ERC1: variants seen among roughly 807,000 people sequenced by gnomAD.
The protein encoded by ERC1 is ELKS/RAB6-interacting/CAST family member 1, also known as RAB6 interacting protein 2.
A neutral mutation model predicts 132.0 loss-of-function variants in ERC1; 56 were observed. The ratio of observed to expected loss-of-function variants is 0.42; its 90% CI spans 0.34 to 0.53. The LOEUF (loss-of-function observed/expected upper bound fraction) is 0.53. Among genes scored for constraint, ERC1 ranks in the 20% least tolerant of loss-of-function variants. ERC1 has a pLI of 0.03. For synonymous variants in ERC1, 478 were observed against 476.1 expected, an observed-to-expected ratio of 1.00 and a Z score of -0.05; for missense variants, 1,202 against 1,349.9, an observed-to-expected ratio of 0.89 and a Z score of 1.72.
At chr12:1,213,895 T>G (rs1158433722) in intron 12 of ERC1, among the ~76,000 whole-genome samples, 1 of 151,692 alleles carries the variant, frequency 6.6e-6, no homozygotes, top group Non-Finnish European at 1.5e-5. Context: ...AGAATGAGAC[T>G]CTGTCTCCAA....
At chr12:1,305,412 C>T (rs1488816389) in intron 15 of ERC1, among the ~76,000 whole-genome samples, 1 of 152,120 alleles carries the variant, frequency 6.6e-6, no homozygotes, top group Non-Finnish European at 1.5e-5. Flanking sequence ...CTTTCTTTAA[C>T]TTTATGCAGA....
chr12:1,302,637 G>A (rs56362023), intron 15 of ERC1, among the ~76,000 whole-genome samples: 3 of 152,010 alleles, frequency 2.0e-5, no homozygotes, highest in Non-Finnish European at 4.4e-5. Context: ...GTAATAAGGC[G>A]AGTCACGCAA....
chr12:1,083,750 A>G (rs1175088402), intron 3 of ERC1, among the ~76,000 whole-genome samples, 170 bp downstream of exon 3: 2 of 151,998 alleles, frequency 1.3e-5, no homozygotes, highest in Non-Finnish European at 2.9e-5. Context: ...GCCCTGTTGT[A>G]TGGGATGACA....
chr12:1,413,823 G>T (rs1417850653), intron 17 of ERC1, among the ~76,000 whole-genome samples: 3 of 152,186 alleles, frequency 2.0e-5, no homozygotes, highest in East Asian at 1.9e-4. Context: ...GACTATCTCA[G>T]TCAGCTCAGG....
At chr12:1,479,156 G>A (rs942892795) in intron 18 of ERC1, among the ~76,000 whole-genome samples, 4 of 152,010 alleles carry the variant, frequency 2.6e-5, no homozygotes, top group African/African-American at 7.3e-5. Flanking sequence ...GTCTGCTCTC[G>A]TGCCAGTGCT....
intron 4 of ERC1, among the ~76,000 whole-genome samples, chr12:1,105,546 A>G (rs1462347554): frequency 5.9e-5 from 9 of 151,826 alleles, no homozygotes; most frequent in African/African-American, 1.9e-4. Flanking sequence ...TTTAGTAGAG[A>G]TGGGGTTTCA....
chr12:1,042,138 C>T (rs185874699), intron 2 of ERC1, among the ~76,000 whole-genome samples: 8 of 152,066 alleles, frequency 5.3e-5, no homozygotes, highest in Non-Finnish European at 1.0e-4. Context: ...CCCAGGTTCA[C>T]GCCATTCTCC....
intron 8 of ERC1, among the ~76,000 whole-genome samples, chr12:1,165,664 C>T (rs779833201): frequency 7.2e-5 from 11 of 152,116 alleles, no homozygotes; most frequent in Non-Finnish European, 1.5e-4. Context: ...AAGAAATAAA[C>T]ATGGCTAAAC....
At chr12:1,434,425 TGTA>T (rs1448145284) in intron 17 of ERC1, among the ~76,000 whole-genome samples, 2 of 152,360 alleles carry the variant, frequency 1.3e-5, no homozygotes, top group East Asian at 1.9e-4. Context: ...TATTGACTCG[TGTA>T]GTTACCTGTG....
chr12:1,300,138 A>G (rs1443417839), intron 15 of ERC1, among the ~76,000 whole-genome samples: 2 of 152,164 alleles, frequency 1.3e-5, no homozygotes, highest in Non-Finnish European at 2.9e-5. Context: ...AAGGAACAGA[A>G]TAGAGAACCC....
intron 9 of ERC1, among the ~76,000 whole-genome samples, chr12:1,181,698 G>A (rs1042713457): frequency 2.0e-5 from 3 of 151,456 alleles, no homozygotes; most frequent in South Asian, 2.1e-4. Flanking sequence ...CAGGAGAATC[G>A]CTTGAACCCG....
intron 16 of ERC1, among the ~76,000 whole-genome samples, chr12:1,394,865 C>T (rs147397981): frequency 8.7e-4 from 132 of 152,318 alleles, no homozygotes; most frequent in African/African-American, 3.0e-3. Flanking sequence ...CAGACTAATA[C>T]ACTCAGCCAC....
intron 18 of ERC1, among the ~76,000 whole-genome samples, chr12:1,473,775 A>AGT (rs1296839309): frequency 6.6e-6 from 1 of 152,156 alleles, no homozygotes; most frequent in Non-Finnish European, 1.5e-5. Flanking sequence ...AACTTTAATG[A>AGT]GTGGGAAATA....
At chr12:1,488,470 A>T (rs1052466906) in intron 18 of ERC1, among the ~76,000 whole-genome samples, 4 of 152,162 alleles carry the variant, frequency 2.6e-5, no homozygotes, top group Non-Finnish European at 5.9e-5. Flanking sequence ...AGGCGGGATT[A>T]CTTGAGCCTG....
chr12:994,372 G>A (rs965626576), intron 1 of ERC1, among the ~76,000 whole-genome samples: 1 of 151,728 alleles, frequency 6.6e-6, no homozygotes. Context: ...GAAATCTGTT[G>A]CTCACCAAGT....
At chr12:1,316,039 C>T (rs1203368419) in intron 15 of ERC1, among the ~76,000 whole-genome samples, 1 of 152,132 alleles carries the variant, frequency 6.6e-6, no homozygotes, top group African/African-American at 2.4e-5. Context: ...CAGGTGCATG[C>T]CATCACGCCC....
chr12:1,230,659 G>T (rs1199702744), intron 12 of ERC1, among the ~76,000 whole-genome samples: 1 of 152,124 alleles, frequency 6.6e-6, no homozygotes, highest in Non-Finnish European at 1.5e-5. Context: ...TGTTAAAAGT[G>T]GGGTAGTAAA....
intron 14 of ERC1, among the ~76,000 whole-genome samples, chr12:1,288,414 C>T (rs889567145): frequency 7.2e-5 from 11 of 152,110 alleles, no homozygotes; most frequent in Non-Finnish European, 1.3e-4. Context: ...AGCGCCCGGC[C>T]GTAACAATAT....
intron 15 of ERC1, among the ~76,000 whole-genome samples, chr12:1,370,240 T>C (rs1388505044): frequency 1.3e-5 from 2 of 152,248 alleles, no homozygotes; most frequent in African/African-American, 4.8e-5. Context: ...GTAAATTTCT[T>C]ACATCAGCTT....
Sources: gnomAD v4.1 joint callset for allele counts (sites outside exome capture counted in the v4.1 genomes callset) on GRCh38, gnomAD v4.1.1 for gene constraint, MANE v1.5 for transcripts, NCBI Gene and HGNC (gene_info 2026-07-23, HGNC 2026-07-21) for gene names.